NPR3: variants seen among roughly 807,000 people sequenced by gnomAD.
NPR3 encodes the protein natriuretic peptide receptor 3.
NPR3 carries 34 observed loss-of-function variants against 54.5 expected under a neutral mutation model. The ratio of observed to expected loss-of-function variants is 0.62; its 90% CI spans 0.47 to 0.83. The LOEUF (loss-of-function observed/expected upper bound fraction) is 0.83. Ranked by LOEUF, NPR3 falls within the 40% of genes least tolerant of loss-of-function variation. The pLI is 0.00. For synonymous variants in NPR3, 289 were observed against 297.1 expected (o/e 0.97, Z 0.28); for missense variants, 674 against 720.8 (o/e 0.94, Z 0.74).
intron 1 of NPR3, among the ~76,000 whole-genome samples, chr5:32,722,234 T>G (rs1738904501): frequency 6.6e-6 from 1 of 152,180 alleles, no homozygotes; most frequent in Non-Finnish European, 1.5e-5. Context: ...CCTGGCTGTT[T>G]GGTCCTGGAC....
chr5:32,727,402 C>T (rs1739192344), intron 2 of NPR3, among the ~76,000 whole-genome samples: 1 of 152,210 alleles, frequency 6.6e-6, no homozygotes, highest in South Asian at 2.1e-4. Context: ...TCCAAAGGGA[C>T]TACAAGCATG....
At chr5:32,719,509 G>A (rs189139685) in intron 1 of NPR3, among the ~76,000 whole-genome samples, 2 of 152,252 alleles carry the variant, frequency 1.3e-5, no homozygotes, top group East Asian at 3.9e-4. Context: ...CTATTAGAAA[G>A]CTGGAATCAG....
chr5:32,773,297 A>G (rs933631229), intron 3 of NPR3, among the ~76,000 whole-genome samples: 2 of 152,190 alleles, frequency 1.3e-5, no homozygotes, highest in Non-Finnish European at 2.9e-5. Flanking sequence ...TTCAAGATTC[A>G]ATTTGCTCAT....
chr5:32,729,713 T>G (rs975865258), intron 2 of NPR3, among the ~76,000 whole-genome samples: 23 of 152,320 alleles, frequency 1.5e-4, no homozygotes, highest in African/African-American at 5.1e-4. Flanking sequence ...TTTGGGTATC[T>G]AAACATAGAT....
At chr5:32,751,582 G>A (rs1436584381) in intron 3 of NPR3, among the ~76,000 whole-genome samples, 3 of 152,252 alleles carry the variant, frequency 2.0e-5, no homozygotes, top group Admixed American at 6.5e-5. Context: ...CAGGCCACCC[G>A]TAGCTTGTTT....
chr5:32,739,569 T>A (rs570505217), intron 3 of NPR3, among the ~76,000 whole-genome samples: 1 of 152,304 alleles, frequency 6.6e-6, no homozygotes, highest in East Asian at 1.9e-4. Context: ...ATTGTAGGGC[T>A]TCACATTCCA....
At chr5:32,772,603 A>G (rs1013287778) in intron 3 of NPR3, among the ~76,000 whole-genome samples, 1 of 152,276 alleles carries the variant, frequency 6.6e-6, no homozygotes, top group Non-Finnish European at 1.5e-5. Context: ...AAATGGGCCA[A>G]TAACATACAT....
At chr5:32,755,736 T>G (rs1740801349) in intron 3 of NPR3, among the ~76,000 whole-genome samples, 1 of 152,220 alleles carries the variant, frequency 6.6e-6, no homozygotes, top group Non-Finnish European at 1.5e-5. Context: ...CTTCCTTGAC[T>G]GCCAAAACAC....
chr5:32,779,179 G>C (rs1186066104), intron 4 of NPR3, among the ~76,000 whole-genome samples: 1 of 152,074 alleles, frequency 6.6e-6, no homozygotes, highest in Non-Finnish European at 1.5e-5. Flanking sequence ...CTTTCCCTTG[G>C]GATCCTTTTT....
At chr5:32,713,478 A>G in intron 1 of NPR3, 2 of 984,328 alleles carry the variant, frequency 2.0e-6, no homozygotes, top group Non-Finnish European at 2.4e-6. Context: ...ATGCCGGTAT[A>G]GCGCCGATCC....
In NPR3 at chr5:32,711,596, G is replaced by T; in HGVS notation, c.-181G>T. Reference sequence around the variant, plus strand: ...TTTTTTAAGAAAAACTAGTGACATTGCAGAGAAGGACGCTTCCTCTCTATC... The same window carrying T: ...TTTTTTAAGAAAAACTAGTGACATTTCAGAGAAGGACGCTTCCTCTCTATC... On this transcript the variant is annotated 5_prime_UTR_variant, in exon 1 of 8. Coordinates refer to ENST00000265074, the MANE Select transcript of NPR3 (RefSeq NM_001204375.2). 8.0e-7 allele frequency: 1 copy of T among 1,242,620 alleles called. No individual in the cohort carries two copies. The highest frequency in any genetic ancestry group is 3.2e-5 in the East Asian group (1 of 31,694). The allele number at this position is 1,242,620 out of a possible 1,614,324, so 77.0% of individuals were successfully genotyped here. A position where few individuals can be genotyped will look rare whatever the true frequency, so the allele number is the denominator to read the frequency against.
intron 3 of NPR3, among the ~76,000 whole-genome samples, chr5:32,760,958 C>T (rs557624889): frequency 1.1e-4 from 16 of 152,174 alleles, no homozygotes; most frequent in Admixed American, 8.5e-4. Flanking sequence ...CAGGTGCCTT[C>T]GTCAAAACTC....
chr5:32,756,214 C>T (rs905775590), intron 3 of NPR3, among the ~76,000 whole-genome samples: 1 of 152,200 alleles, frequency 6.6e-6, no homozygotes, highest in Non-Finnish European at 1.5e-5. Flanking sequence ...TTTACAGTCC[C>T]ACCAACAGTG....
intron 2 of NPR3, among the ~76,000 whole-genome samples, chr5:32,729,999 G>A (rs997735313): frequency 1.3e-5 from 2 of 152,024 alleles, no homozygotes; most frequent in African/African-American, 4.8e-5. Context: ...TCCAATCCAG[G>A]ATCTCACACT....
intron 2 of NPR3, among the ~76,000 whole-genome samples, chr5:32,727,847 A>G (rs1462683914): frequency 6.6e-6 from 1 of 152,020 alleles, no homozygotes; most frequent in Non-Finnish European, 1.5e-5. Context: ...TTCTTTTCTT[A>G]TTGCATTGGC....
At position 32,724,713 on chromosome 5, in the gene NPR3, C is replaced by T. The variant is rs780642601; in HGVS notation, c.785C>T (p.Ala262Val). 1.9e-5 allele frequency: 30 copies of T among 1,613,774 alleles called. No individual in the cohort carries two copies. The highest frequency in any genetic ancestry group is 9.9e-5 in the South Asian group (9 of 91,070). The change falls in exon 2 of 8, where the codon GCG (alanine) becomes GTG (valine). Residue 262 changes from alanine to valine, a missense_variant. By Grantham distance (64) the Ala-to-Val change is moderately conservative (BLOSUM62 0). Transcript: ENST00000265074. ...QASERVVIMC[A>V]SSDTIRSIML... is the part of the protein sequence containing the mutation. ...CCTCCCCTAGTGGTGATCATGTGTGCGAGCAGTGACACCATCCGGAGCATC... is the reference window on the plus strand; with the variant it reads ...CCTCCCCTAGTGGTGATCATGTGTGTGAGCAGTGACACCATCCGGAGCATC...
chr5:32,724,745 G>A lies in NPR3; in HGVS notation c.817G>A (p.Val273Met). 2 of 1,613,914 alleles carry A rather than the reference G, an allele frequency of 1.2e-6. No individual in the cohort carries two copies. Among genetic ancestry groups the A allele is most frequent in the Non-Finnish European group, 1.7e-6 (2 of 1,179,862 alleles). Residue 273 changes from valine to methionine, a missense_variant, in exon 2 of 8, where the codon GTG (valine) becomes ATG (methionine). Val to Met is a conservative substitution (Grantham distance 21). Transcript: ENST00000265074. ...TGACACCATCCGGAGCATCATGCTG[G>A]TGGCGCACAGGCATGGCATGACCAG... ...SSDTIRSIMLVAHRHGMTSGD... is the reference protein window; with the variant it reads ...SSDTIRSIMLMAHRHGMTSGD...
chr5:32,737,288 A>G (rs969173761), intron 2 of NPR3, among the ~76,000 whole-genome samples: 1 of 152,190 alleles, frequency 6.6e-6, no homozygotes, highest in Non-Finnish European at 1.5e-5. Flanking sequence ...AACTGTTTAC[A>G]TGTCACACCC....
intron 1 of NPR3, chr5:32,713,299 C>G (rs1479362011): frequency 1.0e-6 from 1 of 985,334 alleles, no homozygotes; most frequent in African/African-American, 1.7e-5. Context: ...CACCTGTCCC[C>G]CAAGTTTTCT....
Sources: allele counts gnomAD v4.1 joint callset (sites outside exome capture counted in the v4.1 genomes callset), GRCh38; gene constraint gnomAD v4.1.1; transcripts MANE v1.5; gene names NCBI Gene and HGNC (gene_info 2026-07-23, HGNC 2026-07-21).